The following SNW1 variants were observed in gnomAD, a reference collection of about 807,000 sequenced individuals.
The protein encoded by SNW1 is SNW domain containing 1, also known as SNW domain-containing protein 1.
In SNW1, 9 loss-of-function variants were observed where a neutral mutation model predicts 75.6. The observed-to-expected ratio is 0.12, with a 90% confidence interval of 0.07 to 0.21. SNW1 has a LOEUF of 0.21. Ranked by LOEUF, SNW1 falls within the 10% of genes least tolerant of loss-of-function variation. The probability of loss-of-function intolerance (pLI) is 1.00; values close to 1 mark genes in which losing one functional copy is unlikely to be tolerated. For missense variants in SNW1, 409 were observed against 670.9 expected, an observed-to-expected ratio of 0.61 and a Z score of 4.31; for synonymous variants, 200 against 219.1, an observed-to-expected ratio of 0.91 and a Z score of 0.77.
At chr14:77,759,156 TC>T (rs10718313) in intron 1 of SNW1, among the ~76,000 whole-genome samples, 70,089 of 151,960 alleles carry the variant, frequency 0.46, 16,543 homozygotes, top group East Asian at 0.68. Flanking sequence ...AGCTCTGGAG[TC>T]CTCAAGACTG....
At chr14:77,741,043 G>A (rs1251835988) in intron 3 of SNW1, among the ~76,000 whole-genome samples, 1 of 141,992 alleles carries the variant, frequency 7.0e-6, no homozygotes, top group African/African-American at 2.7e-5. Context: ...GTGACAGTGA[G>A]CCGAGATCAT....
intron 12 of SNW1, among the ~76,000 whole-genome samples, 195 bp from the exon 13 acceptor site, chr14:77,718,725 T>G (rs2080511691): frequency 1.3e-5 from 2 of 151,908 alleles, no homozygotes; most frequent in Non-Finnish European, 1.5e-5. Flanking sequence ...TTTTTTTTTT[T>G]TTTTCAGACA....
intron 1 of SNW1, among the ~76,000 whole-genome samples, chr14:77,758,352 T>C (rs1255839812): frequency 2.0e-5 from 3 of 146,514 alleles, no homozygotes; most frequent in Non-Finnish European, 4.6e-5. Flanking sequence ...AATTTTCGTA[T>C]GCTTTTATAG....
chr14:77,720,438 C>G (rs2080530052), intron 12 of SNW1: 1 of 694,988 alleles, frequency 1.4e-6, no homozygotes. Context: ...CCTGGCCTCC[C>G]TGGTTCTATT....
intron 5 of SNW1, among the ~76,000 whole-genome samples, chr14:77,738,104 G>A (rs1029217793): frequency 2.0e-5 from 3 of 151,252 alleles, no homozygotes; most frequent in Non-Finnish European, 2.9e-5. Context: ...AGGAGTTCGA[G>A]ACCAGCCTGG....
At chr14:77,760,058 TTAG>T (rs1211744730) in intron 1 of SNW1, among the ~76,000 whole-genome samples, 4 of 152,084 alleles carry the variant, frequency 2.6e-5, no homozygotes, top group Non-Finnish European at 5.9e-5. Flanking sequence ...TGCACTAAGG[TTAG>T]TATTACACAA....
chr14:77,734,549 C>T lies in SNW1; in HGVS notation c.774+398G>A, dbSNP rs188940113. ...GGTCGGGAGATCAAGACCAACCTGG[C>T]CAACAGGGTGAAACCCCGTTTCTAC... On this transcript the variant is annotated intron_variant, in intron 8 of 13. Coordinates refer to ENST00000261531, the MANE Select transcript of SNW1 (RefSeq NM_012245.3). 6.2e-4 allele frequency among the ~76,000 whole-genome samples: 95 copies of T among 152,268 alleles called. 1 individual carries two copies. In the East Asian group the frequency reaches 0.018, roughly 28 times the overall value.
At position 77,718,546 on chromosome 14, in the gene SNW1, T is replaced by C; in HGVS notation, c.1249-16A>G. 1 of 1,492,818 alleles carries C rather than the reference T, an allele frequency of 6.7e-7. No homozygotes were observed. Among genetic ancestry groups the C allele is most frequent in the Non-Finnish European group, 9.2e-7 (1 of 1,088,516 alleles). The allele number at this position is 1,492,818 out of a possible 1,614,324, so 92.5% of individuals were successfully genotyped here. On this transcript the variant is annotated splice_polypyrimidine_tract_variant and intron_variant, in intron 12 of 13. Transcript: ENST00000261531. The stretch of plus-strand genomic sequence containing the variant: ...TGTCCATACCCTGTGGAAAAATGGA[T>C]GACATTAAATAAAAGTGTAAACATT...
At chr14:77,742,862 G>A (rs117334415) in intron 3 of SNW1, among the ~76,000 whole-genome samples, 3,349 of 151,932 alleles carry the variant, frequency 0.022, 68 homozygotes, top group Admixed American at 0.047. Flanking sequence ...AATGCACTTG[G>A]CCTGTATGTA....
At chr14:77,752,715 A>G (rs1460220696) in intron 2 of SNW1, among the ~76,000 whole-genome samples, 1 of 152,216 alleles carries the variant, frequency 6.6e-6, no homozygotes, top group East Asian at 1.9e-4. Context: ...AATAGAAAAC[A>G]CAAATTAAAA....
chr14:77,730,773 C>G, intron 10 of SNW1: 1 of 480,966 alleles, frequency 2.1e-6, no homozygotes, highest in Non-Finnish European at 3.6e-6. Flanking sequence ...TTAAAAATTT[C>G]TGGTACAGTC....
intron 8 of SNW1, chr14:77,733,851 A>C: frequency 3.4e-6 from 1 of 295,724 alleles, no homozygotes; most frequent in Non-Finnish European, 7.0e-6. Context: ...CAATAACTCA[A>C]GAACTGTACT....
Position 77,735,994 on chromosome 14 carries a change from T to C in SNW1, c.651A>G (p.Lys217=), listed in dbSNP as rs892227900. ...GAGGAGAAGGTGGTCCCCGGGGAAT[T>C]TTCTTATTAATCCTGAAGTATAAAA... ...MEPPRFKINK[K]IPRGPPSPPA... Residue 217 remains lysine (K), a synonymous_variant, in exon 7 of 14, where the codon AAA becomes AAG. Coordinates refer to ENST00000261531, the MANE Select transcript of SNW1 (RefSeq NM_012245.3). The C allele has an allele frequency of 8.7e-6, 14 of 1,613,302 alleles. No homozygotes were observed. The highest frequency in any genetic ancestry group is 1.2e-5 in the Non-Finnish European group (14 of 1,179,414).
At position 77,738,725 on chromosome 14, in the gene SNW1, C is replaced by A. The variant is rs556677111; in HGVS notation, c.533+53G>T. 2.2e-6 allele frequency: 3 copies of A among 1,357,342 alleles called. No homozygotes were observed. The East Asian group carries it at 6.9e-5, about 31-fold the overall frequency. 84.1% of individuals were successfully genotyped at this position (1,357,342 alleles called of 1,614,324 possible). ...GTTAGTGAAAGAATACCATGACCCC[C>A]CAAGCTGAATCAAGTTCAGAATGAA... On this transcript the variant is annotated intron_variant, in intron 5 of 13. Transcript: ENST00000261531.
chr14:77,738,778 C>T lies in SNW1; in HGVS notation c.533G>A (p.Arg178Gln). Residue 178 changes from arginine (R) to glutamine (Q), a missense_variant and splice_region_variant, in exon 5 of 14, where the codon CGA becomes CAA. Coordinates refer to ENST00000261531, the MANE Select transcript of SNW1 (RefSeq NM_012245.3). ...TAAGTCTTCTAGGCATGATTCATACCGGATATACTGAGCAGGAGCCAATTT... is the reference window on the plus strand; with the variant it reads ...TAAGTCTTCTAGGCATGATTCATACTGGATATACTGAGCAGGAGCCAATTT... Reference protein sequence around the residue: ...ADKLAPAQYIRYTPSQQGVAF... With the variant: ...ADKLAPAQYIQYTPSQQGVAF... The T allele has an allele frequency of 1.2e-6, 2 of 1,611,608 alleles. No individual in the cohort carries two copies. The highest frequency in any genetic ancestry group is 8.5e-7 in the Non-Finnish European group (1 of 1,177,770).
intron 3 of SNW1, among the ~76,000 whole-genome samples, chr14:77,746,062 G>C (rs370509234): frequency 4.6e-5 from 7 of 152,198 alleles, no homozygotes; most frequent in African/African-American, 1.7e-4. Context: ...TTATTTTATA[G>C]TGAAAACAAA....
In SNW1 at chr14:77,751,353, T is replaced by C; in HGVS notation, c.296A>G (p.Asp99Gly). 6.2e-7 allele frequency: 1 copy of C among 1,613,700 alleles called. No homozygotes were observed. Residue 99 changes from aspartate (D) to glycine (G), a missense_variant, in exon 3 of 14, where the codon GAT (aspartate) becomes GGT (glycine). Asp to Gly is a moderately conservative substitution (Grantham distance 94, BLOSUM62 -1). Transcript: ENST00000261531. ...QVDSEGKIKY[D>G]AIARQGQSKD... ...TGACTGTCCTTGTCGAGCAATTGCA[T>C]CATATTTAATTTTTCCTTCAGAATC...
Position 77,718,376 on chromosome 14 carries a change from T to G in SNW1, c.1403A>C (p.Lys468Thr). 1 of 1,614,226 alleles carries G rather than the reference T, an allele frequency of 6.2e-7. No homozygotes were observed. The stretch of plus-strand genomic sequence containing the variant: ...TTGTATGGCTTGGCACCTGTTGGTC[T>G]TTATTCTGGCTTCTAGGTCATCACC... ...MYGDDLEARIKTNRFVPDKEF... is the reference protein window; with the variant it reads ...MYGDDLEARITTNRFVPDKEF... Residue 468 changes from lysine (K) to threonine (T), a missense_variant, in exon 13 of 14, where the codon AAG becomes ACG. Physicochemically the swap from Lys to Thr is moderately conservative, Grantham distance 78. This residue lies in a region of SNW1 where 126 missense variants were observed against 167.6 expected (regional missense o/e 0.75). Transcript: ENST00000261531.
chr14:77,755,105 A>T lies in SNW1; in HGVS notation c.30T>A (p.Pro10=). MALTSFLPA[P]TQLSQDQLEA... ...CAAGCTGGTCCTGAGATAGCTGAGTAGGTGCAGGTAAAAAGCTATAAGCAA... is the reference window on the plus strand; with the variant it reads ...CAAGCTGGTCCTGAGATAGCTGAGTTGGTGCAGGTAAAAAGCTATAAGCAA... The change falls in exon 2 of 14, where the codon CCT becomes CCA. Residue 10 remains proline, a synonymous_variant. Transcript: ENST00000261531. The T allele has an allele frequency of 6.2e-7, 1 of 1,612,640 alleles. No homozygotes were observed. Among genetic ancestry groups the T allele is most frequent in the Non-Finnish European group, 8.5e-7 (1 of 1,179,880 alleles).
Sources: allele counts gnomAD v4.1 joint callset (sites outside exome capture counted in the v4.1 genomes callset), GRCh38; gene constraint gnomAD v4.1.1; regional missense constraint gnomAD v4.1.1; transcripts MANE v1.5; gene names NCBI Gene and HGNC (gene_info 2026-07-23, HGNC 2026-07-21).